Variants in CBR3 observed in about 807,000 individuals in gnomAD.
CBR3 encodes carbonyl reductase 3, also known as carbonyl reductase [NADPH] 3.
In CBR3, 14 loss-of-function variants were observed where a neutral mutation model predicts 11.6. The observed-to-expected ratio is 1.20, with a 90% CI of 0.79 to 1.88. CBR3 has a LOEUF of 1.88. CBR3 is among the 40% of genes most tolerant of loss of function. The pLI is 0.00. For synonymous variants in CBR3, 125 were observed against 145.6 expected, an observed-to-expected ratio of 0.86 and a Z score of 1.02; for missense variants, 308 against 357.3, an observed-to-expected ratio of 0.86 and a Z score of 1.11.
chr21:36,146,089 T>C lies in CBR3; in HGVS notation c.411T>C (p.Asn137=). 1.9e-6 allele frequency: 3 copies of C among 1,610,890 alleles called. No individual in the cohort carries two copies. Among genetic ancestry groups the C allele is most frequent in the African/African-American group, 1.3e-5 (1 of 74,842 alleles). Residue 137 remains asparagine, a synonymous_variant, in exon 3 of 3, where the codon AAT becomes AAC. Coordinates refer to ENST00000290354, the MANE Select transcript of CBR3 (RefSeq NM_001236.4). Reference sequence around the variant, plus strand: ...ATTCTGTTTCAGGGAGAGTGGTGAATATCAGTAGTTTGCAGTGTTTAAGGG... The same window carrying C: ...ATTCTGTTTCAGGGAGAGTGGTGAACATCAGTAGTTTGCAGTGTTTAAGGG... The part of the protein sequence containing the change: ...PIMKPHGRVV[N]ISSLQCLRAF...
intron 2 of CBR3, chr21:36,141,962 TGAA>T (rs1402803633): frequency 1.0e-6 from 1 of 975,714 alleles, no homozygotes; most frequent in East Asian, 1.1e-4. Context: ...TAGAAAGCAA[TGAA>T]GAACACAACA....
chr21:36,144,523 A>T (rs1433804115), intron 2 of CBR3, among the ~76,000 whole-genome samples: 1 of 145,424 alleles, frequency 6.9e-6, no homozygotes, highest in Non-Finnish European at 1.5e-5. Flanking sequence ...GCACTTTGGG[A>T]GGCTGAAGCA....
At chr21:36,140,285 G>GCC (rs1459814528) in intron 2 of CBR3, among the ~76,000 whole-genome samples, 1 of 152,044 alleles carries the variant, frequency 6.6e-6, no homozygotes, top group Admixed American at 6.6e-5. Flanking sequence ...CCTGCAGGGA[G>GCC]AACTGCAGGT....
At chr21:36,136,540 G>A (rs1290519408) in intron 1 of CBR3, among the ~76,000 whole-genome samples, 2 of 152,086 alleles carry the variant, frequency 1.3e-5, no homozygotes, top group African/African-American at 4.8e-5. Flanking sequence ...GCAGGAGTGG[G>A]GATTAACACC....
intron 2 of CBR3, among the ~76,000 whole-genome samples, chr21:36,142,803 A>C (rs2065723791): frequency 6.6e-6 from 1 of 152,182 alleles, no homozygotes; most frequent in South Asian, 2.1e-4. Context: ...AACAGGAAAG[A>C]AATACATACA....
intron 2 of CBR3, 53 bp downstream of exon 2, chr21:36,137,985 A>G: frequency 1.0e-6 from 1 of 972,606 alleles, no homozygotes; most frequent in Non-Finnish European, 1.7e-6. Context: ...GAAGTGGGCT[A>G]CAGGCTTCCC....
intron 2 of CBR3, 35 bp downstream of exon 2, chr21:36,137,967 C>A: frequency 8.4e-7 from 1 of 1,185,880 alleles, no homozygotes; most frequent in Non-Finnish European, 1.3e-6. Flanking sequence ...GGTTGCATCC[C>A]TCAGTAAGAA....
intron 2 of CBR3, among the ~76,000 whole-genome samples, chr21:36,143,726 A>C (rs954793850): frequency 6.6e-6 from 1 of 151,948 alleles, no homozygotes; most frequent in African/African-American, 2.4e-5. Flanking sequence ...CGAAAAATAC[A>C]AAAATTATTT....
At chr21:36,145,303 T>C (rs1181384787) in intron 2 of CBR3, among the ~76,000 whole-genome samples, 4 of 152,174 alleles carry the variant, frequency 2.6e-5, no homozygotes, top group Non-Finnish European at 4.4e-5. Context: ...ATGCCTTCTA[T>C]AGTCACATTT....
chr21:36,146,298 T>A lies in CBR3; in HGVS notation c.620T>A (p.Ile207Asn). The change falls in exon 3 of 3, where the codon ATC (isoleucine) becomes AAC (asparagine). Residue 207 changes from isoleucine (I) to asparagine (N), a missense_variant. Physicochemically the swap from Ile to Asn is moderately radical, Grantham distance 149 (BLOSUM62 -3). Coordinates refer to ENST00000290354, the MANE Select transcript of CBR3 (RefSeq NM_001236.4). ...SKLGVTVLSR[I>N]LARRLDEKRK... ...TTGGGGGTCACGGTCTTATCGAGGA[T>A]CCTGGCCAGGCGTCTGGATGAGAAG... 1 of 1,614,150 alleles carries A rather than the reference T, an allele frequency of 6.2e-7. No individual in the cohort carries two copies. Among genetic ancestry groups the A allele is most frequent in the African/African-American group, 1.3e-5 (1 of 75,028 alleles).
rs139332794 is a variant in CBR3 at position 36,146,236 on chromosome 21, G to A, written c.558G>A (p.Arg186=). The part of the protein sequence containing the change: ...VEDTKNEVHE[R]EGWPNSPYGV... Reference sequence around the variant, plus strand: ...ACACAAAAAATGAGGTGCATGAGAGGGAAGGCTGGCCCAACTCACCTTATG... The same window carrying A: ...ACACAAAAAATGAGGTGCATGAGAGAGAAGGCTGGCCCAACTCACCTTATG... Residue 186 remains arginine (R), a synonymous_variant, in exon 3 of 3, where the codon AGG becomes AGA. Coordinates refer to ENST00000290354, the MANE Select transcript of CBR3 (RefSeq NM_001236.4). 109 of 1,614,170 alleles carry A rather than the reference G, an allele frequency of 6.8e-5. No homozygotes were observed. The African/African-American group carries it at 1.3e-3, about 20-fold the overall frequency.
chr21:36,142,471 G>C (rs945464556), intron 2 of CBR3, among the ~76,000 whole-genome samples: 1 of 138,202 alleles, frequency 7.2e-6, no homozygotes, highest in African/African-American at 2.7e-5. Flanking sequence ...TCCTACTTTG[G>C]ACCCTGGATT....
chr21:36,136,164 A>G (rs1174407632), intron 1 of CBR3, among the ~76,000 whole-genome samples: 1 of 152,112 alleles, frequency 6.6e-6, no homozygotes, highest in African/African-American at 2.4e-5. Context: ...CTACTGAAGA[A>G]AATTACAGGA....
rs756767680 is a variant in CBR3, at chr21:36,137,499, AAAGAAAGGAAGG to A, written c.290-322_290-311del. 545 of 182,398 alleles carry A rather than the reference AAAGAAAGGAAGG, an allele frequency of 3.0e-3. 3 individuals are homozygous for A. The highest frequency in any genetic ancestry group is 0.011 in the African/African-American group (385 of 36,280). The allele number at this position is 182,398 out of a possible 1,614,324, so 11.3% of individuals were successfully genotyped here. A position where few individuals can be genotyped will look rare whatever the true frequency, so the allele number is the denominator to read the frequency against. ...GAGAAAGAAAGAAAGAAAAGAAAAG[AAAGAAAGGAAGG>A]AAGGAAGGAAGGAAGGAAGGAAGGA... On this transcript the variant is annotated intron_variant, in intron 1 of 2. Transcript: ENST00000290354.
chr21:36,142,440 A>AAAAAAAAAAAAAAC (rs1296041023), intron 2 of CBR3, among the ~76,000 whole-genome samples: 2 of 141,330 alleles, frequency 1.4e-5, no homozygotes, highest in Non-Finnish European at 3.0e-5. Flanking sequence ...TCAAAAAAAA[A>AAAAAAAAAAAAAAC]AAAAAAAACG....
intron 2 of CBR3, among the ~76,000 whole-genome samples, chr21:36,143,618 G>A (rs898361417): frequency 2.6e-5 from 4 of 152,008 alleles, no homozygotes; most frequent in Non-Finnish European, 4.4e-5. Context: ...AGTGGCTCAC[G>A]CCTATAATCC....
intron 2 of CBR3, among the ~76,000 whole-genome samples, chr21:36,142,203 C>T (rs1316051837): frequency 3.3e-5 from 5 of 152,052 alleles, no homozygotes; most frequent in South Asian, 2.1e-4. Context: ...GAGACCAAGG[C>T]GGGCGGATCA....
chr21:36,138,189 G>A (rs1322961598), intron 2 of CBR3: 7 of 402,594 alleles, frequency 1.7e-5, no homozygotes, highest in South Asian at 3.0e-5. Flanking sequence ...CTCTTGTTGT[G>A]CAGGCTGTAG....
intron 1 of CBR3, 117 bp from the exon 2 acceptor site, chr21:36,137,708 A>T: frequency 4.6e-6 from 3 of 655,510 alleles, no homozygotes; most frequent in Non-Finnish European, 8.1e-6. Context: ...GTTCTTAAAA[A>T]TTGTTTTAAA....
Sources: gnomAD v4.1 joint callset for allele counts (sites outside exome capture counted in the v4.1 genomes callset) on GRCh38, gnomAD v4.1.1 for gene constraint, MANE v1.5 for transcripts, NCBI Gene and HGNC (gene_info 2026-07-23, HGNC 2026-07-21) for gene names.